The following THSD7B variants were observed in gnomAD, a reference collection of about 807,000 sequenced individuals.
THSD7B encodes thrombospondin type 1 domain containing 7B.
A neutral mutation model predicts 213.6 loss-of-function variants in THSD7B; 138 were observed. The observed-to-expected ratio is 0.65, with a 90% CI of 0.56 to 0.74. The LOEUF (loss-of-function observed/expected upper bound fraction) is 0.74, where lower values mean the gene tolerates loss of function less well. THSD7B is among the 30% of genes least tolerant of loss of function. The pLI is 0.00. For synonymous variants in THSD7B, 742 were observed against 687.0 expected, an observed-to-expected ratio of 1.08 and a Z score of -1.25; for missense variants, 1,931 against 1,991.5, an observed-to-expected ratio of 0.97 and a Z score of 0.58.
At chr2:137,285,889 A>C (rs918352901) in intron 12 of THSD7B, among the ~76,000 whole-genome samples, 2 of 151,942 alleles carry the variant, frequency 1.3e-5, no homozygotes, top group African/African-American at 4.8e-5. Context: ...GGATCACCTG[A>C]GGTCAGGAGT....
chr2:136,990,817 G>C, intron 2 of THSD7B: 1 of 1,184,570 alleles, frequency 8.4e-7, no homozygotes. Context: ...CTGGCCGATG[G>C]TGTTTCTTCT....
chr2:136,950,897 A>G (rs548082034), intron 2 of THSD7B, among the ~76,000 whole-genome samples: 1 of 152,222 alleles, frequency 6.6e-6, no homozygotes, highest in Non-Finnish European at 1.5e-5. Context: ...TCCGTCCTTT[A>G]CTTCAACTCA....
chr2:137,637,261 C>T (rs1682850663), intron 20 of THSD7B, among the ~76,000 whole-genome samples: 1 of 152,184 alleles, frequency 6.6e-6, no homozygotes, highest in Admixed American at 6.5e-5. Context: ...TTATTGATAA[C>T]ATCCACATTC....
At chr2:137,248,024 T>C (rs1682081542) in intron 10 of THSD7B, among the ~76,000 whole-genome samples, 1 of 152,154 alleles carries the variant, frequency 6.6e-6, no homozygotes, top group Admixed American at 6.6e-5. Context: ...CATTGAGTTT[T>C]TTCAATCCAC....
intron 10 of THSD7B, among the ~76,000 whole-genome samples, chr2:137,247,486 A>G (rs1050761631): frequency 2.0e-5 from 3 of 152,222 alleles, no homozygotes; most frequent in African/African-American, 7.2e-5. Flanking sequence ...TAAAGTTACT[A>G]GACTGAAGAT....
chr2:137,580,769 A>G (rs1681556945), intron 17 of THSD7B, among the ~76,000 whole-genome samples: 1 of 152,170 alleles, frequency 6.6e-6, no homozygotes. Context: ...CGGTGAAGTG[A>G]GAGCAGGCAG....
At chr2:137,393,178 A>ACTT in intron 12 of THSD7B, among the ~76,000 whole-genome samples, 1 of 127,446 alleles carries the variant, frequency 7.8e-6, no homozygotes, top group Middle Eastern at 4.1e-3. Flanking sequence ...TTTTTATTAT[A>ACTT]CTTTAAGTTT....
At chr2:136,819,042 G>C (rs1047893348) in intron 1 of THSD7B, among the ~76,000 whole-genome samples, 1 of 152,080 alleles carries the variant, frequency 6.6e-6, no homozygotes, top group Non-Finnish European at 1.5e-5. Flanking sequence ...CATGTAAAAC[G>C]AACTGAGCGG....
intron 14 of THSD7B, among the ~76,000 whole-genome samples, chr2:137,440,413 ATC>A (rs1258654074): frequency 6.6e-6 from 1 of 151,230 alleles, no homozygotes; most frequent in Non-Finnish European, 1.5e-5. Flanking sequence ...GGAGAGGTAG[ATC>A]TCTGTCTCAT....
chr2:137,597,702 C>T (rs1249992486), intron 17 of THSD7B, among the ~76,000 whole-genome samples: 1 of 151,970 alleles, frequency 6.6e-6, no homozygotes, highest in Non-Finnish European at 1.5e-5. Context: ...ATTATAATTC[C>T]ATTTTGTAAA....
At chr2:137,087,659 A>G (rs34180792) in intron 3 of THSD7B, among the ~76,000 whole-genome samples, 12,653 of 152,244 alleles carry the variant, frequency 0.083, 729 homozygotes, top group African/African-American at 0.16. Context: ...GATGACACAA[A>G]CAAATGGAAA....
At chr2:137,109,355 C>T in intron 4 of THSD7B, among the ~76,000 whole-genome samples, 1 of 152,172 alleles carries the variant, frequency 6.6e-6, no homozygotes, top group East Asian at 1.9e-4. Context: ...TACCAGTGAC[C>T]AGTTTTGTGG....
rs188647256 is a variant in THSD7B, at chr2:137,338,353, A to G, written c.2500+62327A>G. 4.8e-3 allele frequency among the ~76,000 whole-genome samples: 730 copies of G among 152,146 alleles called. 5 individuals carry two copies. Among genetic ancestry groups the G allele is most frequent in the Middle Eastern group, 0.017 (5 of 294 alleles). ...ATGTCCAAGCCTGAGATGTCATGCCATAGTCTATTGATCACAGTGGTTATG... is the reference window on the plus strand; with the variant it reads ...ATGTCCAAGCCTGAGATGTCATGCCGTAGTCTATTGATCACAGTGGTTATG... On this transcript the variant is annotated intron_variant, in intron 12 of 27. Transcript: ENST00000409968.
At chr2:137,579,759 G>C (rs1216848198) in intron 17 of THSD7B, among the ~76,000 whole-genome samples, 1 of 152,110 alleles carries the variant, frequency 6.6e-6, no homozygotes, top group East Asian at 1.9e-4. Flanking sequence ...GTACTTTCAA[G>C]TCGGCTGTCA....
At chr2:136,873,260 G>T (rs533508527) in intron 1 of THSD7B, among the ~76,000 whole-genome samples, 5 of 152,172 alleles carry the variant, frequency 3.3e-5, no homozygotes, top group Admixed American at 6.5e-5. Flanking sequence ...TTATAATATA[G>T]CAAACCAAAG....
intron 2 of THSD7B, among the ~76,000 whole-genome samples, chr2:137,038,091 C>T (rs1461933725): frequency 6.6e-6 from 1 of 151,660 alleles, no homozygotes; most frequent in South Asian, 2.1e-4. Flanking sequence ...ATAGTTTTTC[C>T]TTATTATGCA....
chr2:136,957,608 A>G (rs1340576538), intron 2 of THSD7B, among the ~76,000 whole-genome samples: 1 of 151,942 alleles, frequency 6.6e-6, no homozygotes, highest in Non-Finnish European at 1.5e-5. Context: ...TGTGTATTGT[A>G]TGGGGATTAA....
At chr2:137,189,605 T>C (rs1275696211) in intron 7 of THSD7B, among the ~76,000 whole-genome samples, 2 of 151,934 alleles carry the variant, frequency 1.3e-5, no homozygotes, top group African/African-American at 2.4e-5. Flanking sequence ...CACAGGTTCC[T>C]GTCCTCAGGA....
chr2:137,240,914 T>C (rs1366602065), intron 9 of THSD7B, among the ~76,000 whole-genome samples: 1 of 152,220 alleles, frequency 6.6e-6, no homozygotes, highest in Non-Finnish European at 1.5e-5. Context: ...TTTTCAATTC[T>C]GTAATAGTTA....
Sources: gnomAD v4.1 joint callset for allele counts (sites outside exome capture counted in the v4.1 genomes callset) on GRCh38, gnomAD v4.1.1 for gene constraint, MANE v1.5 for transcripts, NCBI Gene and HGNC (gene_info 2026-07-23, HGNC 2026-07-21) for gene names.